Variants in MYO5B observed in about 807,000 individuals in gnomAD.
The protein encoded by MYO5B is myosin VB, also known as unconventional myosin-Vb.
Under a neutral mutation model 229.3 loss-of-function variants are expected in MYO5B, and 143 were observed. That is an observed-to-expected ratio of 0.62 (90% confidence interval 0.54 to 0.72). The LOEUF (loss-of-function observed/expected upper bound fraction) is 0.72, where lower values mean the gene tolerates loss of function less well. MYO5B is among the 30% of genes least tolerant of loss of function. The pLI, the probability that MYO5B is intolerant of heterozygous loss-of-function variation, is 0.00. For synonymous variants in MYO5B, 918 were observed against 885.2 expected (o/e 1.04, Z -0.66); for missense variants, 2,321 against 2,331.0 (o/e 1.00, Z 0.09).
intron 9 of MYO5B, among the ~76,000 whole-genome samples, chr18:49,976,990 C>A (rs1344693155): frequency 6.6e-6 from 1 of 152,204 alleles, no homozygotes; most frequent in Non-Finnish European, 1.5e-5. Flanking sequence ...ATTTAAGTGG[C>A]CTGCCAGCAG....
chr18:49,943,922 A>C (rs1005937887), intron 14 of MYO5B, among the ~76,000 whole-genome samples: 6 of 152,146 alleles, frequency 3.9e-5, no homozygotes, highest in African/African-American at 1.2e-4. Flanking sequence ...AGGACATTGG[A>C]TGGGGAGGAC....
intron 1 of MYO5B, among the ~76,000 whole-genome samples, chr18:50,061,940 G>GT (rs2030696570): frequency 6.6e-6 from 1 of 152,144 alleles, no homozygotes; most frequent in Non-Finnish European, 1.5e-5. Context: ...GTTGAGCAGG[G>GT]TTATCAATCC....
chr18:49,937,373 G>A lies in MYO5B; in HGVS notation c.1777C>T (p.His593Tyr). Residue 593 changes from histidine (H) to tyrosine (Y), a missense_variant, in exon 15 of 40, where the codon CAT (histidine) becomes TAT (tyrosine). Transcript: ENST00000285039. ...SKFPLVADLF[H>Y]DDKDPVPATT... The stretch of plus-strand genomic sequence containing the variant: ...GCAGGAACAGGGTCCTTGTCATCAT[G>A]AAACAAGTCAGCCACTAGTGGGAAC... The A allele has an allele frequency of 6.2e-7, 1 of 1,614,148 alleles. No homozygotes were observed. Among genetic ancestry groups the A allele is most frequent in the Non-Finnish European group, 8.5e-7 (1 of 1,180,000 alleles).
At chr18:49,861,540 G>C (rs1189025270) in intron 29 of MYO5B, among the ~76,000 whole-genome samples, 1 of 152,198 alleles carries the variant, frequency 6.6e-6, no homozygotes, top group Non-Finnish European at 1.5e-5. Context: ...CACTGAGAGA[G>C]TCACCTTCAT....
At chr18:50,145,365 T>C (rs536924323) in intron 1 of MYO5B, among the ~76,000 whole-genome samples, 2 of 151,786 alleles carry the variant, frequency 1.3e-5, no homozygotes, top group African/African-American at 2.4e-5. Context: ...TGGGCACCAA[T>C]AGTCCCAGCT....
intron 17 of MYO5B, among the ~76,000 whole-genome samples, chr18:49,923,379 G>T (rs1034246688): frequency 3.9e-5 from 6 of 152,184 alleles, no homozygotes; most frequent in Admixed American, 1.3e-4. Context: ...ATGAGATGTG[G>T]AAGAGAAAGA....
intron 37 of MYO5B, 58 bp downstream of exon 37, chr18:49,837,459 A>G: frequency 6.3e-7 from 1 of 1,589,204 alleles, no homozygotes; most frequent in Non-Finnish European, 8.6e-7. Flanking sequence ...TTCTGATTCT[A>G]GCTGCAGTCA....
chr18:49,873,098 G>A (rs1205457389), intron 26 of MYO5B, among the ~76,000 whole-genome samples: 1 of 152,248 alleles, frequency 6.6e-6, no homozygotes, highest in African/African-American at 2.4e-5. Context: ...CTGTAATGCT[G>A]TCTGACATCA....
At chr18:49,986,121 G>A (rs1469139636) in intron 7 of MYO5B, among the ~76,000 whole-genome samples, 3 of 152,172 alleles carry the variant, frequency 2.0e-5, no homozygotes, top group Admixed American at 1.3e-4. Flanking sequence ...GCCCTTTTGT[G>A]AAGTGGCCAC....
At chr18:50,194,150 C>T (rs1386643231) in intron 1 of MYO5B, among the ~76,000 whole-genome samples, 4 of 152,232 alleles carry the variant, frequency 2.6e-5, no homozygotes, top group African/African-American at 7.2e-5. Flanking sequence ...GAGATAACGG[C>T]GCACCCCTCT....
intron 18 of MYO5B, among the ~76,000 whole-genome samples, chr18:49,909,922 G>A (rs139548158): frequency 1.1e-4 from 16 of 152,264 alleles, no homozygotes; most frequent in African/African-American, 3.1e-4. Flanking sequence ...CTCCCCCTGC[G>A]TATTAGGCTC....
intron 2 of MYO5B, among the ~76,000 whole-genome samples, chr18:50,052,085 G>C (rs976200925): frequency 3.9e-5 from 6 of 152,140 alleles, no homozygotes; most frequent in African/African-American, 1.4e-4. Flanking sequence ...GGAGAAATAG[G>C]AACACTTTTA....
At chr18:50,007,575 G>A (rs752073988) in intron 4 of MYO5B, among the ~76,000 whole-genome samples, 3 of 152,264 alleles carry the variant, frequency 2.0e-5, no homozygotes, top group South Asian at 2.1e-4. Flanking sequence ...CTGGGGGACC[G>A]AGCACCTCTC....
At chr18:50,085,984 G>A (rs1051630250) in intron 1 of MYO5B, among the ~76,000 whole-genome samples, 15 of 152,062 alleles carry the variant, frequency 9.9e-5, no homozygotes, top group Admixed American at 5.2e-4. Context: ...GTTAATGGGT[G>A]CAGCACACCA....
At chr18:50,004,073 A>G (rs2144331183) in intron 4 of MYO5B, among the ~76,000 whole-genome samples, 1 of 152,308 alleles carries the variant, frequency 6.6e-6, no homozygotes, top group East Asian at 1.9e-4. Context: ...CAATAAGGGA[A>G]TTCCCCTGCA....
intron 2 of MYO5B, among the ~76,000 whole-genome samples, chr18:50,047,182 C>T (rs1162703842): frequency 1.3e-5 from 2 of 152,086 alleles, no homozygotes; most frequent in Non-Finnish European, 2.9e-5. Flanking sequence ...ATTTTTGCAA[C>T]CTACTCATCT....
intron 10 of MYO5B, among the ~76,000 whole-genome samples, chr18:49,971,915 T>A (rs188236409): frequency 6.6e-6 from 1 of 152,238 alleles, no homozygotes; most frequent in Admixed American, 6.5e-5. Flanking sequence ...AAAAAGTGAA[T>A]TGGTTTCTGA....
chr18:49,874,301 T>C (rs1275635950), intron 26 of MYO5B, among the ~76,000 whole-genome samples: 4 of 152,218 alleles, frequency 2.6e-5, no homozygotes, highest in African/African-American at 7.2e-5. Context: ...AGCTGGCATG[T>C]CTGCAATGGG....
At chr18:49,867,527 T>C (rs1162342698) in intron 27 of MYO5B, among the ~76,000 whole-genome samples, 1 of 152,154 alleles carries the variant, frequency 6.6e-6, no homozygotes, top group Non-Finnish European at 1.5e-5. Context: ...TCCGATTTCC[T>C]GTCCCTGGGT....
Sources: gnomAD v4.1 joint callset for allele counts (sites outside exome capture counted in the v4.1 genomes callset) on GRCh38, gnomAD v4.1.1 for gene constraint, MANE v1.5 for transcripts, NCBI Gene and HGNC (gene_info 2026-07-23, HGNC 2026-07-21) for gene names.